Variants in VWA8 observed in about 807,000 individuals in gnomAD.
VWA8 encodes the protein von Willebrand factor A domain-containing protein 8.
Under a neutral mutation model 241.5 loss-of-function variants are expected in VWA8, and 221 were observed. That is an observed-to-expected ratio of 0.91 (90% CI 0.82 to 1.02). The LOEUF is 1.02. Ranked by LOEUF, VWA8 falls within the 50% of genes least tolerant of loss-of-function variation. The probability of loss-of-function intolerance (pLI) is 0.00; values close to 1 mark genes in which losing one functional copy is unlikely to be tolerated. For missense variants in VWA8, 2,322 were observed against 2,328.7 expected (o/e 1.00, Z 0.06); for synonymous variants, 852 against 827.1 (o/e 1.03, Z -0.52).
At chr13:41,955,168 A>G (rs1217095235) in intron 1 of VWA8, among the ~76,000 whole-genome samples, 3 of 151,834 alleles carry the variant, frequency 2.0e-5, no homozygotes, top group Non-Finnish European at 4.4e-5. Context: ...CAAGCCATCT[A>G]TAATGATTTA....
intron 26 of VWA8, among the ~76,000 whole-genome samples, chr13:41,711,680 C>G (rs931303034): frequency 6.6e-6 from 1 of 152,098 alleles, no homozygotes; most frequent in Non-Finnish European, 1.5e-5. Flanking sequence ...CGAGACCATC[C>G]TAGCTAACAC....
chr13:41,920,631 C>T (rs1876477232), intron 2 of VWA8, among the ~76,000 whole-genome samples: 1 of 152,114 alleles, frequency 6.6e-6, no homozygotes, highest in Non-Finnish European at 1.5e-5. Flanking sequence ...CACAGAAATA[C>T]AAACTACCAT....
At chr13:41,889,259 C>T (rs1394925320) in intron 5 of VWA8, among the ~76,000 whole-genome samples, 1 of 152,062 alleles carries the variant, frequency 6.6e-6, no homozygotes, top group Non-Finnish European at 1.5e-5. Context: ...GAGACAGATT[C>T]TATGAACACA....
intron 9 of VWA8, among the ~76,000 whole-genome samples, chr13:41,873,693 T>G (rs1056682114): frequency 1.8e-4 from 27 of 152,150 alleles, no homozygotes; most frequent in Admixed American, 1.3e-3. Context: ...CAATAACCAA[T>G]AGCTCACCAA....
chr13:41,606,470 A>G (rs1378375015), intron 39 of VWA8, among the ~76,000 whole-genome samples: 1 of 152,182 alleles, frequency 6.6e-6, no homozygotes, highest in Non-Finnish European at 1.5e-5. Context: ...TATAAAAGGT[A>G]CTGATATTAG....
At position 41,907,588 on chromosome 13, in the gene VWA8, G is replaced by A; in HGVS notation, c.481C>T (p.Gln161Ter). 1 of 1,613,994 alleles carries A rather than the reference G, an allele frequency of 6.2e-7. No homozygotes were observed. Among genetic ancestry groups the A allele is most frequent in the East Asian group, 2.2e-5 (1 of 44,878 alleles). The change falls in exon 4 of 45, where the codon CAG becomes TAG. Residue 161 changes from glutamine to a stop codon, truncating the protein, a stop_gained and splice_region_variant. Transcript: ENST00000379310. LOFTEE classifies it high-confidence loss of function. ...GGCTAGAGTGTGACAGAACTTGCCT[G>A]ATCAATGTAAAAGGCTGTGCCTGCA... ...IRAGTAFYID[Q>*]CAVRAATEGR...
intron 12 of VWA8, among the ~76,000 whole-genome samples, chr13:41,862,722 T>C (rs1211713796): frequency 6.6e-6 from 1 of 152,082 alleles, no homozygotes; most frequent in Non-Finnish European, 1.5e-5. Context: ...AAAACCACAA[T>C]GAATACCATC....
intron 2 of VWA8, among the ~76,000 whole-genome samples, chr13:41,935,478 C>A (rs9315874): frequency 6.6e-6 from 1 of 151,784 alleles, no homozygotes; most frequent in Non-Finnish European, 1.5e-5. Flanking sequence ...ATAGAAAAAG[C>A]GGTTAGAACT....
chr13:41,777,442 G>A (rs1215995508), intron 20 of VWA8, among the ~76,000 whole-genome samples: 1 of 152,104 alleles, frequency 6.6e-6, no homozygotes, highest in Admixed American at 6.5e-5. Flanking sequence ...ACTGCAGAGT[G>A]CCTCAAGCCA....
intron 43 of VWA8, among the ~76,000 whole-genome samples, chr13:41,571,830 C>T (rs958740946): frequency 6.6e-6 from 1 of 151,816 alleles, no homozygotes; most frequent in African/African-American, 2.4e-5. Context: ...TGTGAGGAGC[C>T]CCTCCGACTG....
At chr13:41,750,151 T>C (rs956794072) in intron 21 of VWA8, among the ~76,000 whole-genome samples, 3 of 151,966 alleles carry the variant, frequency 2.0e-5, no homozygotes, top group African/African-American at 4.8e-5. Context: ...TTAAGAACAT[T>C]TGGCTTGGCA....
At chr13:41,770,185 C>T (rs1269993774) in intron 20 of VWA8, among the ~76,000 whole-genome samples, 1 of 152,016 alleles carries the variant, frequency 6.6e-6, no homozygotes, top group Non-Finnish European at 1.5e-5. Context: ...CGGTGGCTCA[C>T]GCCTGTAATC....
chr13:41,707,387 C>A (rs1233508030), intron 26 of VWA8, among the ~76,000 whole-genome samples: 2 of 152,168 alleles, frequency 1.3e-5, no homozygotes, highest in Non-Finnish European at 2.9e-5. Flanking sequence ...GGGCATTATG[C>A]AATTGGAAGT....
intron 12 of VWA8, among the ~76,000 whole-genome samples, chr13:41,859,072 G>A (rs1237118557): frequency 6.9e-6 from 1 of 145,194 alleles, no homozygotes; most frequent in African/African-American, 2.5e-5. Context: ...GCAAAAACCT[G>A]TCTCTTAAAA....
At chr13:41,912,229 C>T in intron 2 of VWA8, 61 bp from the exon 3 acceptor site, 2 of 1,378,296 alleles carry the variant, frequency 1.5e-6, no homozygotes, top group Non-Finnish European at 1.9e-6. Flanking sequence ...TATAAATCTC[C>T]AAGTAATGTG....
At chr13:41,853,578 T>C (rs1319321288) in intron 12 of VWA8, among the ~76,000 whole-genome samples, 1 of 152,162 alleles carries the variant, frequency 6.6e-6, no homozygotes, top group Non-Finnish European at 1.5e-5. Flanking sequence ...TGTTCTCATT[T>C]TTTCATTTCT....
rs745872533 is a variant in VWA8, at chr13:41,692,909, C to T, written c.3628G>A (p.Glu1210Lys). 12 of 1,610,858 alleles carry T rather than the reference C, an allele frequency of 7.4e-6. No homozygotes were observed. The highest frequency in any genetic ancestry group is 2.2e-5 in the East Asian group (1 of 44,774). ...AAAGGTTTCTTAGATGTAAACTTCT[C>T]GGAAGGGAGGATGAGACGATGAAGG... is the stretch of plus-strand genomic sequence containing the variant. ...RALHRLILPS[E>K]KFTSKKPFWW... The change falls in exon 30 of 45, where the codon GAG becomes AAG. Residue 1210 changes from glutamate (E) to lysine (K), a missense_variant. By Grantham distance (56) the Glu-to-Lys change is moderately conservative. Coordinates refer to ENST00000379310, the MANE Select transcript of VWA8 (RefSeq NM_015058.2).
intron 2 of VWA8, among the ~76,000 whole-genome samples, chr13:41,928,652 A>G (rs1051172836): frequency 6.6e-6 from 1 of 152,156 alleles, no homozygotes; most frequent in African/African-American, 2.4e-5. Context: ...AAGATTCTGA[A>G]CAGTTGAACG....
chr13:41,729,780 G>T, intron 22 of VWA8, 103 bp from the exon 23 acceptor site: 195 of 808,726 alleles, frequency 2.4e-4, no homozygotes, highest in East Asian at 3.7e-4. Flanking sequence ...CTTTATTTAA[G>T]TTACAAGTAT....
Sources: gnomAD v4.1 joint callset for allele counts (sites outside exome capture counted in the v4.1 genomes callset) on GRCh38, gnomAD v4.1.1 for gene constraint, MANE v1.5 for transcripts, NCBI Gene and HGNC (gene_info 2026-07-23, HGNC 2026-07-21) for gene names.